ACAD10: variants seen among roughly 807,000 people sequenced by gnomAD.
ACAD10 encodes the protein acyl-CoA dehydrogenase family member 10.
A neutral mutation model predicts 116.8 loss-of-function variants in ACAD10; 112 were observed. The observed-to-expected ratio is 0.96, with a 90% CI of 0.82 to 1.12. The LOEUF is 1.12. Among genes scored for constraint, ACAD10 ranks in the 50% most tolerant of loss-of-function variants. ACAD10 has a pLI of 0.00. For synonymous variants in ACAD10, 486 were observed against 510.6 expected (o/e 0.95, Z 0.65); for missense variants, 1,259 against 1,350.2 (o/e 0.93, Z 1.06).
chr12:111,735,098 C>T (rs1889509321), intron 11 of ACAD10, among the ~76,000 whole-genome samples: 1 of 151,766 alleles, frequency 6.6e-6, no homozygotes, highest in Non-Finnish European at 1.5e-5. Flanking sequence ...GTGGTGGGCA[C>T]CTGTAGTCCC....
intron 8 of ACAD10, among the ~76,000 whole-genome samples, chr12:111,723,908 G>A (rs1457111727): frequency 8.6e-5 from 13 of 151,528 alleles, no homozygotes; most frequent in African/African-American, 2.4e-4. Context: ...CCTCCCAGAC[G>A]GGGTCTCGGC....
At chr12:111,708,264 C>T (rs950064769) in intron 4 of ACAD10, among the ~76,000 whole-genome samples, 2 of 152,110 alleles carry the variant, frequency 1.3e-5, no homozygotes, top group Non-Finnish European at 2.9e-5. Context: ...TATTTTACTT[C>T]CCCCAGATGT....
At chr12:111,689,916 C>T (rs1273943880) in intron 1 of ACAD10, among the ~76,000 whole-genome samples, 2 of 152,008 alleles carry the variant, frequency 1.3e-5, no homozygotes, top group African/African-American at 4.8e-5. Flanking sequence ...GGGGTTTCAC[C>T]GTGTTAGCCA....
intron 6 of ACAD10, among the ~76,000 whole-genome samples, chr12:111,713,642 G>GAA (rs962774673): frequency 7.3e-6 from 1 of 136,972 alleles, no homozygotes. Context: ...AAAAGGAAAA[G>GAA]AAAAAAAAAA....
Position 111,747,130 on chromosome 12 carries a change from C to A in ACAD10, c.2338C>A (p.Leu780Met). The A allele has an allele frequency of 3.1e-6, 5 of 1,613,436 alleles. No individual in the cohort carries two copies. Among genetic ancestry groups the A allele is most frequent in the Non-Finnish European group, 4.2e-6 (5 of 1,179,522 alleles). ...YGTEAQKARWLIPLLEGKARS... is the reference protein window; with the variant it reads ...YGTEAQKARWMIPLLEGKARS... ...CACCGAAGCGCAGAAGGCTCGCTGG[C>A]TGATTCCTCTGCTGGAGGGGAAAGC... Residue 780 changes from leucine (L) to methionine (M), a missense_variant, in exon 15 of 21, where the codon CTG becomes ATG. Coordinates refer to ENST00000313698, the MANE Select transcript of ACAD10 (RefSeq NM_025247.6).
intron 11 of ACAD10, among the ~76,000 whole-genome samples, chr12:111,734,951 C>G (rs530825594): frequency 2.0e-5 from 3 of 151,926 alleles, no homozygotes; most frequent in Admixed American, 2.0e-4. Context: ...CGGCCGGGCG[C>G]GGTGGCCCAC....
chr12:111,714,413 C>T (rs1236812024), intron 6 of ACAD10, among the ~76,000 whole-genome samples: 1 of 151,976 alleles, frequency 6.6e-6, no homozygotes, highest in African/African-American at 2.4e-5. Context: ...GCCTGTAATC[C>T]TACCACTTTG....
intron 18 of ACAD10, 144 bp from the exon 19 acceptor site, chr12:111,753,628 G>A (rs1415751804): frequency 3.6e-6 from 4 of 1,102,604 alleles, no homozygotes; most frequent in Admixed American, 3.8e-5. Flanking sequence ...CACCTTGGCT[G>A]AGAAGATGCA....
At chr12:111,724,492 C>A (rs1889152876) in intron 8 of ACAD10, among the ~76,000 whole-genome samples, 1 of 152,210 alleles carries the variant, frequency 6.6e-6, no homozygotes, top group Non-Finnish European at 1.5e-5. Flanking sequence ...AAGATCACGC[C>A]ACTGCACTCC....
chr12:111,744,665 G>A lies in ACAD10; in HGVS notation c.1737G>A (p.Ala579=), dbSNP rs551521639. 4.3e-6 allele frequency: 7 copies of A among 1,613,934 alleles called. No individual in the cohort carries two copies. Among genetic ancestry groups the A allele is most frequent in the South Asian group, 3.3e-5 (3 of 91,052 alleles). ...SLTGQASSTY[A]EQTGKLTEFV... is the part of the protein sequence containing the mutation. Reference sequence around the variant, plus strand: ...TAGGGCAAGCAAGCTCCACATATGCGGAACAAACTGGAAAGCTGACCGAAT... The same window carrying A: ...TAGGGCAAGCAAGCTCCACATATGCAGAACAAACTGGAAAGCTGACCGAAT... The change falls in exon 13 of 21, where the codon GCG becomes GCA. Residue 579 remains alanine (A), a synonymous_variant. Transcript: ENST00000313698.
At chr12:111,751,710 G>A (rs1890075423) in intron 18 of ACAD10, among the ~76,000 whole-genome samples, 1 of 149,338 alleles carries the variant, frequency 6.7e-6, no homozygotes, top group South Asian at 2.1e-4. Flanking sequence ...TAGCCGGAGT[G>A]ACAAAGCAAG....
At chr12:111,701,813 A>T (rs1888356931) in intron 2 of ACAD10, among the ~76,000 whole-genome samples, 1 of 152,182 alleles carries the variant, frequency 6.6e-6, no homozygotes, top group African/African-American at 2.4e-5. Flanking sequence ...TTCTTCCTTC[A>T]TGTGCTTCCA....
intron 2 of ACAD10, among the ~76,000 whole-genome samples, chr12:111,698,702 C>T (rs1566142068): frequency 6.6e-6 from 1 of 152,004 alleles, no homozygotes; most frequent in East Asian, 1.9e-4. Context: ...CTCTCGAACT[C>T]CCTACCTTAG....
intron 4 of ACAD10, among the ~76,000 whole-genome samples, chr12:111,708,471 CT>C (rs200037659): frequency 8.3e-4 from 121 of 146,380 alleles, no homozygotes; most frequent in Middle Eastern, 3.5e-3. Context: ...GCCTCTTAGA[CT>C]TTTTTTTTTT....
intron 10 of ACAD10, among the ~76,000 whole-genome samples, chr12:111,731,236 A>T (rs1566159518): frequency 6.6e-6 from 1 of 152,176 alleles, no homozygotes; most frequent in Non-Finnish European, 1.5e-5. Flanking sequence ...TTTCTTTGTC[A>T]TGTGGTCATC....
intron 17 of ACAD10, chr12:111,748,719 G>A: frequency 3.4e-6 from 2 of 588,094 alleles, no homozygotes; most frequent in Non-Finnish European, 5.9e-6. Flanking sequence ...AGGAGTCTGT[G>A]ACACAGGAAG....
At chr12:111,713,136 C>T (rs1178988135) in intron 6 of ACAD10, among the ~76,000 whole-genome samples, 3 of 151,616 alleles carry the variant, frequency 2.0e-5, no homozygotes, top group Non-Finnish European at 4.4e-5. Flanking sequence ...CTTGGTGAAA[C>T]CCTGTCTCTA....
At chr12:111,755,344 G>A (rs539041532) in intron 19 of ACAD10, among the ~76,000 whole-genome samples, 7 of 152,264 alleles carry the variant, frequency 4.6e-5, no homozygotes, top group African/African-American at 1.7e-4. Flanking sequence ...GACCTCAGGT[G>A]ATCTGCCCGC....
chr12:111,755,683 A>G lies in ACAD10; in HGVS notation c.2977A>G (p.Ile993Val), dbSNP rs775695911. ...CTCCTTACAGGCTGCAGCCTTGGAT[A>G]TAGCCATGATTAAAATGGTCGCCCC... is the stretch of plus-strand genomic sequence containing the variant. ...LAGNKAAALD[I>V]AMIKMVAPSM... Residue 993 changes from isoleucine to valine, a missense_variant, in exon 20 of 21, where the codon ATA becomes GTA. By Grantham distance (29) the Ile-to-Val change is conservative. Transcript: ENST00000313698. The G allele has an allele frequency of 1.9e-6, 3 of 1,613,836 alleles. No homozygotes were observed. The highest frequency in any genetic ancestry group is 1.7e-4 in the Middle Eastern group (1 of 6,054).
Sources: allele counts gnomAD v4.1 joint callset (sites outside exome capture counted in the v4.1 genomes callset), GRCh38; gene constraint gnomAD v4.1.1; transcripts MANE v1.5; gene names NCBI Gene and HGNC (gene_info 2026-07-23, HGNC 2026-07-21).